Variants in ABCC1 observed in about 807,000 individuals in gnomAD.
The protein encoded by ABCC1 is multidrug resistance-associated protein 1.
In ABCC1, 83 loss-of-function variants were observed where a neutral mutation model predicts 172.9. That is an observed-to-expected ratio of 0.48 (90% confidence interval 0.40 to 0.58). ABCC1 has a LOEUF of 0.58. Among genes scored for constraint, ABCC1 ranks in the 20% least tolerant of loss-of-function variants. The pLI, the probability that ABCC1 is intolerant of heterozygous loss-of-function variation, is 0.00. For synonymous variants in ABCC1, 937 were observed against 825.2 expected, an observed-to-expected ratio of 1.14 and a Z score of -2.32; for missense variants, 1,817 against 2,002.7, an observed-to-expected ratio of 0.91 and a Z score of 1.77.
intron 1 of ABCC1, among the ~76,000 whole-genome samples, chr16:15,972,050 C>T (rs1228038261): frequency 6.6e-6 from 1 of 152,114 alleles, no homozygotes; most frequent in Non-Finnish European, 1.5e-5. Flanking sequence ...TATGCCCAGC[C>T]CTCTCTGCAC....
At chr16:16,031,733 G>T (rs970218227) in intron 5 of ABCC1, among the ~76,000 whole-genome samples, 2 of 152,054 alleles carry the variant, frequency 1.3e-5, no homozygotes, top group African/African-American at 4.8e-5. Flanking sequence ...GTCTGCCTCG[G>T]GGGCGCCTTC....
chr16:15,965,555 G>T, intron 1 of ABCC1, among the ~76,000 whole-genome samples: 1 of 152,084 alleles, frequency 6.6e-6, no homozygotes, highest in East Asian at 1.9e-4. Context: ...GCCTCCCAAA[G>T]TGCTGGGATT....
Position 16,079,466 on chromosome 16 carries a change from C to A in ABCC1, c.2103C>A (p.His701Gln), listed in dbSNP as rs750280992. The A allele has an allele frequency of 1.9e-6, 3 of 1,612,260 alleles. No homozygotes were observed. The Admixed American group carries it at 5.0e-5, about 27-fold the overall frequency. ...CTGAGATGGACAAAGTGGAGGGGCA[C>A]GTGGCTATCAAGGTAGGATGAGGAC... ...LLAEMDKVEG[H>Q]VAIKGSVAYV... The change falls in exon 16 of 31, where the codon CAC becomes CAA. Residue 701 changes from histidine to glutamine, a missense_variant. His to Gln is a conservative substitution (Grantham distance 24, BLOSUM62 0). Around this residue, in one of 3 missense-constraint regions of ABCC1, gnomAD observed 1,412 missense variants for 1,600.3 expected, o/e 0.88. Coordinates refer to ENST00000399410, the MANE Select transcript of ABCC1 (RefSeq NM_004996.4).
chr16:16,107,652 C>T (rs1445171797), intron 21 of ABCC1, among the ~76,000 whole-genome samples: 1 of 152,170 alleles, frequency 6.6e-6, no homozygotes, highest in African/African-American at 2.4e-5. Context: ...TTGGGTCCTA[C>T]CCTGCCTTCT....
Position 16,102,727 on chromosome 16 carries a change from G to C in ABCC1, c.2735+10G>C, listed in dbSNP as rs754370478. ...GGAAGCAACTGCAGAGGTAAGGGCG[G>C]GGAGGAAGGCCCCAACCTAAGGACC... On this transcript the variant is annotated intron_variant, in intron 20 of 30. Coordinates refer to ENST00000399410, the MANE Select transcript of ABCC1 (RefSeq NM_004996.4). The C allele has an allele frequency of 3.8e-6, 6 of 1,563,452 alleles. No individual in the cohort carries two copies. In the South Asian group the frequency reaches 7.1e-5, roughly 18 times the overall value.
chr16:16,112,852 C>T (rs1339347095), intron 22 of ABCC1, among the ~76,000 whole-genome samples: 2 of 152,202 alleles, frequency 1.3e-5, no homozygotes, highest in Non-Finnish European at 2.9e-5. Context: ...CCGAGGTCAG[C>T]GTCATTGTCC....
In ABCC1 at chr16:16,138,463, G is replaced by C. The variant is rs201391377; in HGVS notation, c.4392G>C (p.Thr1464=). 1.2e-6 allele frequency: 2 copies of C among 1,613,406 alleles called. No homozygotes were observed. The highest frequency in any genetic ancestry group is 1.3e-5 in the African/African-American group (1 of 74,974). The change falls in exon 30 of 31, where the codon ACG becomes ACC. Residue 1464 remains threonine (T), a synonymous_variant. Coordinates refer to ENST00000399410, the MANE Select transcript of ABCC1 (RefSeq NM_004996.4). ...DEATAAVDLE[T]DDLIQSTIRT... is the part of the protein sequence containing the mutation. ...CCACGGCAGCCGTGGACCTGGAAAC[G>C]GACGACCTCATCCAGTCCACCATCC...
intron 21 of ABCC1, among the ~76,000 whole-genome samples, chr16:16,111,119 G>A (rs963704990): frequency 1.3e-5 from 2 of 152,106 alleles, no homozygotes; most frequent in African/African-American, 4.8e-5. Context: ...GGCTGGTCTC[G>A]AAGTCTCTAC....
chr16:15,979,969 G>T (rs1483916054), intron 1 of ABCC1, among the ~76,000 whole-genome samples: 3 of 152,086 alleles, frequency 2.0e-5, no homozygotes, highest in Non-Finnish European at 1.5e-5. Flanking sequence ...CACAGTGAGT[G>T]GGGAGTGACA....
chr16:15,949,664 CCCGCCGCCCGGTGCCCG>C lies in ABCC1; in HGVS notation c.-77_-61del, dbSNP rs1387174733. 7 of 779,622 alleles carry C rather than the reference CCCGCCGCCCGGTGCCCG, an allele frequency of 9.0e-6. No homozygotes were observed. Among genetic ancestry groups the C allele is most frequent in the East Asian group, 1.3e-4 (1 of 7,488 alleles). The allele number at this position is 779,622 out of a possible 1,614,324, so 48.3% of individuals were successfully genotyped here. On this transcript the variant is annotated 5_prime_UTR_variant, in exon 1 of 31. Coordinates refer to ENST00000399410, the MANE Select transcript of ABCC1 (RefSeq NM_004996.4). ...TAGCGCCAGCAGCCGGGCCCGATCA[CCCGCCGCCCGGTGCCCG>C]CCGCCGCCCGCGCCAGCAACCGGGC...
intron 1 of ABCC1, among the ~76,000 whole-genome samples, chr16:15,974,724 T>G (rs865883160): frequency 6.6e-6 from 1 of 152,200 alleles, no homozygotes; most frequent in East Asian, 1.9e-4. Context: ...ATATCAAAGA[T>G]AGCAAAATAG....
chr16:16,017,402 T>C (rs2048040719), intron 5 of ABCC1, among the ~76,000 whole-genome samples: 1 of 152,056 alleles, frequency 6.6e-6, no homozygotes. Flanking sequence ...GGCTAATTTT[T>C]TTTCTTTCTT....
At chr16:15,992,372 A>C (rs2046897230) in intron 1 of ABCC1, among the ~76,000 whole-genome samples, 1 of 151,954 alleles carries the variant, frequency 6.6e-6, no homozygotes, top group Admixed American at 6.6e-5. Flanking sequence ...CTTCCACAAA[A>C]CCTATCCTTG....
Position 16,139,063 on chromosome 16 carries a change from G to A in ABCC1, c.4487+505G>A, listed in dbSNP as rs919959952. ...CATTCATTCACGTCAGCGCACCTGC[G>A]GTGTTCCCAGACACTGGGGACTCTG... On this transcript the variant is annotated intron_variant, in intron 30 of 30. Coordinates refer to ENST00000399410, the MANE Select transcript of ABCC1 (RefSeq NM_004996.4). Among the ~76,000 whole-genome samples the A allele has an allele frequency of 7.2e-5, 11 of 152,262 alleles. No individual in the cohort carries two copies. In the South Asian group the frequency reaches 1.7e-3, roughly 23 times the overall value.
intron 26 of ABCC1, among the ~76,000 whole-genome samples, chr16:16,130,247 G>T (rs1298048372): frequency 2.0e-5 from 3 of 152,192 alleles, no homozygotes; most frequent in Non-Finnish European, 2.9e-5. Context: ...TCCTGCCGGG[G>T]TGGGCAGCCA....
Position 16,065,915 on chromosome 16 carries a change from A to G in ABCC1, c.1678-2241A>G, listed in dbSNP as rs543853149. On this transcript the variant is annotated intron_variant, in intron 12 of 30. Coordinates refer to ENST00000399410, the MANE Select transcript of ABCC1 (RefSeq NM_004996.4). ...TTAACGGAGGTATAATTCACCATTT[A>G]AAAGTGTGCAATTCAGTGGTTTTTT... 2.0e-5 allele frequency among the ~76,000 whole-genome samples: 3 copies of G among 152,310 alleles called. No homozygotes were observed. The East Asian group carries it at 5.8e-4, about 29-fold the overall frequency.
At chr16:16,006,877 C>CGGTGGCGGTGGCGGTGGTGGTGGT (rs1417382268) in intron 1 of ABCC1, among the ~76,000 whole-genome samples, 1 of 149,392 alleles carries the variant, frequency 6.7e-6, no homozygotes, top group Non-Finnish European at 1.5e-5. Context: ...GTGGCGGTGG[C>CGGTGGCGGTGGCGGTGGTGGTGGT]GGTGATGGTG....
intron 1 of ABCC1, among the ~76,000 whole-genome samples, chr16:15,994,002 G>A (rs768536301): frequency 2.5e-4 from 38 of 152,136 alleles, no homozygotes; most frequent in South Asian, 6.2e-4. Context: ...AGGCCGAGGC[G>A]GGCAGACTGA....
intron 10 of ABCC1, 66 bp downstream of exon 10, chr16:16,048,369 A>G: frequency 6.3e-7 from 1 of 1,579,934 alleles, no homozygotes; most frequent in South Asian, 1.1e-5. Flanking sequence ...CAGTGGGCCG[A>G]GGGAGTGGGT....
Sources: allele counts gnomAD v4.1 joint callset (sites outside exome capture counted in the v4.1 genomes callset), GRCh38; gene constraint gnomAD v4.1.1; regional missense constraint gnomAD v4.1.1; transcripts MANE v1.5; gene names NCBI Gene and HGNC (gene_info 2026-07-23, HGNC 2026-07-21).